The following COL4A5 variants were observed in gnomAD, a reference collection of about 807,000 sequenced individuals.
COL4A5 encodes the protein collagen type IV alpha 5 chain, also known as collagen alpha-5(IV) chain.
COL4A5 carries 26 observed loss-of-function variants against 130.2 expected under a neutral mutation model. The observed-to-expected ratio is 0.20, with a 90% CI of 0.15 to 0.28. COL4A5 has a LOEUF of 0.28. Ranked by LOEUF, COL4A5 falls within the 10% of genes least tolerant of loss-of-function variation. The pLI is 1.00. For synonymous variants in COL4A5, 496 were observed against 439.6 expected, an observed-to-expected ratio of 1.13 and a Z score of -1.60; for missense variants, 1,131 against 1,344.3, an observed-to-expected ratio of 0.84 and a Z score of 2.48.
chrX:108,596,741 T>C (rs1384100245), intron 22 of COL4A5, among the ~76,000 whole-genome samples: 1 of 112,365 alleles, frequency 8.9e-6, no homozygotes, highest in Non-Finnish European at 1.9e-5. Flanking sequence ...AAGTCTGCTT[T>C]GGAGTTGAAA....
At chrX:108,511,470 T>G (rs1394800550) in intron 1 of COL4A5, among the ~76,000 whole-genome samples, 3 of 111,810 alleles carry the variant, frequency 2.7e-5, no homozygotes, top group Non-Finnish European at 5.6e-5. Flanking sequence ...TGACCTAAAA[T>G]TCATATCGTA....
At chrX:108,680,638 G>T (rs1603316808) in intron 44 of COL4A5, 41 bp from the exon 45 acceptor site, 1 of 1,124,943 alleles carries the variant, frequency 8.9e-7, no homozygotes, top group Non-Finnish European at 1.2e-6. Context: ...TCCTCCCCTC[G>T]CTGCAATTTT....
At chrX:108,513,670 C>CT (rs1408036487) in intron 1 of COL4A5, among the ~76,000 whole-genome samples, 1 of 111,520 alleles carries the variant, frequency 9.0e-6, no homozygotes, top group East Asian at 2.8e-4. Context: ...TGAATATCTT[C>CT]TTTCAGTCTC....
chrX:108,532,161 T>C (rs1355825141), intron 1 of COL4A5, among the ~76,000 whole-genome samples: 3 of 111,620 alleles, frequency 2.7e-5, no homozygotes, highest in Non-Finnish European at 5.7e-5. Context: ...CAAATATCCC[T>C]GGTGAAGATT....
chrX:108,621,084 C>T (rs868723443), intron 31 of COL4A5, among the ~76,000 whole-genome samples: 1 of 100,467 alleles, frequency 1.0e-5, no homozygotes, highest in Non-Finnish European at 2.0e-5. Context: ...TTCTTTCTCT[C>T]TTCTCTCTTT....
intron 51 of COL4A5, 158 bp downstream of exon 51, chrX:108,695,079 G>A: frequency 1.5e-6 from 1 of 675,199 alleles, no homozygotes; most frequent in South Asian, 2.4e-5. Flanking sequence ...CACATTTTTT[G>A]TAACATATTT....
At chrX:108,444,252 T>C (rs1268031834) in intron 1 of COL4A5, among the ~76,000 whole-genome samples, 3 of 106,986 alleles carry the variant, frequency 2.8e-5, no homozygotes, top group African/African-American at 6.8e-5. Context: ...AGTCTTGCTC[T>C]GTCACCCAGG....
chrX:108,587,055 A>G (rs2066348545), intron 19 of COL4A5, among the ~76,000 whole-genome samples: 1 of 111,735 alleles, frequency 8.9e-6, no homozygotes, highest in African/African-American at 3.3e-5. Flanking sequence ...CCAATGTATA[A>G]TGATTAAATC....
chrX:108,611,062 A>G (rs1008420655), intron 29 of COL4A5, among the ~76,000 whole-genome samples: 2 of 111,209 alleles, frequency 1.8e-5, no homozygotes, highest in Non-Finnish European at 3.8e-5. Flanking sequence ...GCAGATCACA[A>G]TAAAAGTTCA....
intron 1 of COL4A5, among the ~76,000 whole-genome samples, chrX:108,521,770 C>T (rs975913719): frequency 9.0e-5 from 10 of 111,663 alleles, no homozygotes; most frequent in African/African-American, 3.3e-4. Flanking sequence ...GAATGGTCTT[C>T]CCACTTTTTA....
rs765887212 is a variant in COL4A5, at chrX:108,577,947, C to T, written c.610-5C>T. ...TTTATTTTCTCTTTTGTCTTCTCTT[C>T]TTAGGGCCCTCCTGGTCCACCAGGA... On this transcript the variant is annotated splice_region_variant and splice_polypyrimidine_tract_variant and intron_variant, in intron 10 of 52. Transcript: ENST00000328300. The T allele has an allele frequency of 8.4e-7, 1 of 1,194,607 alleles. No homozygotes were observed. The highest frequency in any genetic ancestry group is 1.1e-6 in the Non-Finnish European group (1 of 881,988).
rs2147850176 is a variant in COL4A5, at chrX:108,615,032, T to C, written c.2509+8T>C. ...GGCCAATAGGTCAACCTGGTAAGATTAGAGTAAATGTGCATTTTGTAGCAC... is the reference window on the plus strand; with the variant it reads ...GGCCAATAGGTCAACCTGGTAAGATCAGAGTAAATGTGCATTTTGTAGCAC... On this transcript the variant is annotated splice_region_variant and intron_variant, in intron 30 of 52. Transcript: ENST00000328300. 2.7e-6 allele frequency: 3 copies of C among 1,124,186 alleles called. No individual in the cohort carries two copies. The highest frequency in any genetic ancestry group is 3.7e-6 in the Non-Finnish European group (3 of 816,263). The allele number at this position is 1,124,186 out of a possible 1,213,427, so 92.6% of individuals were successfully genotyped here. A position where few individuals can be genotyped will look rare whatever the true frequency, so the allele number is the denominator to read the frequency against.
chrX:108,646,232 C>T (rs2067583919), intron 36 of COL4A5, among the ~76,000 whole-genome samples: 1 of 111,626 alleles, frequency 9.0e-6, no homozygotes, highest in Admixed American at 9.5e-5. Flanking sequence ...CACATCCTCT[C>T]CAGCACCTGT....
chrX:108,641,271 A>G (rs978925797), intron 36 of COL4A5, among the ~76,000 whole-genome samples: 1 of 111,905 alleles, frequency 8.9e-6, no homozygotes, highest in African/African-American at 3.3e-5. Flanking sequence ...AGAAACTTGT[A>G]CTTGAATACT....
At chrX:108,665,464 A>G (rs769448288) in intron 37 of COL4A5, 43 bp from the exon 38 acceptor site, 2 of 921,846 alleles carry the variant, frequency 2.2e-6, no homozygotes, top group South Asian at 2.0e-5. Context: ...TCTTAAAGCA[A>G]TGCAGTTTTT....
chrX:108,622,643 G>A, intron 32 of COL4A5, 33 bp from the exon 33 acceptor site: 1 of 1,198,813 alleles, frequency 8.3e-7, no homozygotes. Context: ...GGATAAAATT[G>A]ATATATTGTG....
At position 108,607,038 on chromosome X, in the gene COL4A5, A is replaced by G. The variant is rs1345459489; in HGVS notation, c.2395+146A>G. ...TGCTACACATTTTTTTCAATCCTTC[A>G]TTGATTATTTTTGTCTTTTATTTCA... On this transcript the variant is annotated intron_variant, in intron 29 of 52. Coordinates refer to ENST00000328300, the MANE Select transcript of COL4A5 (RefSeq NM_033380.3). 9.8e-6 allele frequency: 6 copies of G among 609,908 alleles called. No homozygotes were observed. In the African/African-American group the frequency reaches 1.3e-4, roughly 14 times the overall value. 50.3% of individuals were successfully genotyped at this position (609,908 alleles called of 1,213,427 possible).
Position 108,439,921 on chromosome X carries a change from G to T in COL4A5, c.-205G>T, listed in dbSNP as rs1603241321. 2.3e-6 allele frequency: 1 copy of T among 433,501 alleles called. No individual in the cohort carries two copies. Among genetic ancestry groups the T allele is most frequent in the African/African-American group, 2.5e-5 (1 of 40,707 alleles). 35.7% of individuals were successfully genotyped at this position (433,501 alleles called of 1,213,427 possible). ...CTCCTGAGAGACCGGCTTTGGGGAGGGGAGGGGGGAAGGAAGAGTAGCTCC... is the reference window on the plus strand; with the variant it reads ...CTCCTGAGAGACCGGCTTTGGGGAGTGGAGGGGGGAAGGAAGAGTAGCTCC... On this transcript the variant is annotated 5_prime_UTR_variant, in exon 1 of 53. Transcript: ENST00000328300.
rs2067700322 is a variant in COL4A5 at position 108,650,379 on chromosome X, A to G, written c.3247-4952A>G. On this transcript the variant is annotated intron_variant, in intron 36 of 52. Transcript: ENST00000328300. ...AAAGAGTGTGGAGATTCCTTAAAGA[A>G]CTAAAAGTAGAACTACCATTTGATC... 4.5e-5 allele frequency among the ~76,000 whole-genome samples: 5 copies of G among 111,419 alleles called. No individual in the cohort carries two copies. The Admixed American group carries it at 4.8e-4, about 11-fold the overall frequency.
Sources: allele counts gnomAD v4.1 joint callset (sites outside exome capture counted in the v4.1 genomes callset), GRCh38; gene constraint gnomAD v4.1.1; transcripts MANE v1.5; gene names NCBI Gene and HGNC (gene_info 2026-07-23, HGNC 2026-07-21).